GMDS: variants seen among roughly 807,000 people sequenced by gnomAD.
GMDS encodes GDP-mannose 4,6 dehydratase.
In GMDS, 20 loss-of-function variants were observed where a neutral mutation model predicts 49.9. The observed-to-expected ratio is 0.40, with a 90% CI of 0.28 to 0.58. The LOEUF (loss-of-function observed/expected upper bound fraction) is 0.58, where lower values mean the gene tolerates loss of function less well. Among genes scored for constraint, GMDS ranks in the 20% least tolerant of loss-of-function variants. GMDS has a pLI of 0.42. For synonymous variants in GMDS, 177 were observed against 178.6 expected, an observed-to-expected ratio of 0.99 and a Z score of 0.07; for missense variants, 362 against 481.4, an observed-to-expected ratio of 0.75 and a Z score of 2.32.
At chr6:1,809,429 GC>G (rs1241727346) in intron 7 of GMDS, among the ~76,000 whole-genome samples, 31 of 152,278 alleles carry the variant, frequency 2.0e-4, no homozygotes, top group African/African-American at 7.2e-4. Flanking sequence ...AAGCACAATA[GC>G]CTAGGCTCAT....
intron 9 of GMDS, among the ~76,000 whole-genome samples, chr6:1,720,347 A>C (rs940573858): frequency 6.6e-6 from 1 of 152,220 alleles, no homozygotes; most frequent in Non-Finnish European, 1.5e-5. Context: ...TTAAGAATCA[A>C]CTGAAGAGAC....
chr6:2,049,948 C>T (rs1247578325), intron 4 of GMDS, among the ~76,000 whole-genome samples: 1 of 152,088 alleles, frequency 6.6e-6, no homozygotes, highest in Non-Finnish European at 1.5e-5. Context: ...AATCAACACC[C>T]TAACATCACA....
At chr6:1,803,348 C>A (rs1261376220) in intron 7 of GMDS, among the ~76,000 whole-genome samples, 1 of 152,110 alleles carries the variant, frequency 6.6e-6, no homozygotes, top group Non-Finnish European at 1.5e-5. Context: ...GCTGTAAACA[C>A]CAGTCAATGT....
intron 1 of GMDS, among the ~76,000 whole-genome samples, chr6:2,146,602 G>A (rs747396133): frequency 1.3e-5 from 2 of 152,064 alleles, no homozygotes; most frequent in Admixed American, 6.6e-5. Flanking sequence ...CAAATTCCAC[G>A]GCTCACTCAA....
chr6:1,674,560 C>CTTTTTTTTTTTTTTT lies in GMDS; in HGVS notation c.988-50035_988-50021dup, dbSNP rs869292549. Reference sequence around the variant, plus strand: ...CAACTCATCAACTCTCTCTCTCTCTCTTTTTTTTTTTTTTTTTTTTTTTTG... The same window carrying CTTTTTTTTTTTTTTT: ...CAACTCATCAACTCTCTCTCTCTCTCTTTTTTTTTTTTTTTTTTTTTTTTTTTTTTTTTTTTTTTG... On this transcript the variant is annotated intron_variant, in intron 9 of 10. Coordinates refer to ENST00000380815, the MANE Select transcript of GMDS (RefSeq NM_001500.4). 6.8e-5 allele frequency among the ~76,000 whole-genome samples: 5 copies of CTTTTTTTTTTTTTTT among 73,436 alleles called. 1 individual carries two copies. The highest frequency in any genetic ancestry group is 1.3e-4 in the African/African-American group (2 of 15,520). The allele number at this position is 73,436 out of a possible 152,430, so 48.2% of individuals were successfully genotyped here.
intron 9 of GMDS, among the ~76,000 whole-genome samples, chr6:1,713,783 G>T (rs548140095): frequency 6.6e-6 from 1 of 152,190 alleles, no homozygotes; most frequent in East Asian, 1.9e-4. Flanking sequence ...TTATTCATCT[G>T]ATCCACGGGC....
At chr6:1,682,986 C>G (rs1006680120) in intron 9 of GMDS, among the ~76,000 whole-genome samples, 1 of 152,208 alleles carries the variant, frequency 6.6e-6, no homozygotes, top group African/African-American at 2.4e-5. Flanking sequence ...ATATAAGACC[C>G]GTGGCTGGGT....
At chr6:2,017,445 A>G (rs918102218) in intron 4 of GMDS, among the ~76,000 whole-genome samples, 6 of 152,010 alleles carry the variant, frequency 3.9e-5, no homozygotes, top group African/African-American at 1.4e-4. Flanking sequence ...AGTAACTGGG[A>G]TTACAGGCGC....
chr6:2,175,439 TGTAAAAACTGTTAA>T, intron 1 of GMDS, among the ~76,000 whole-genome samples: 1 of 152,210 alleles, frequency 6.6e-6, no homozygotes, highest in Non-Finnish European at 1.5e-5. Context: ...AAAGTTACTA[TGTAAAAACTGTTAA>T]GCAAAAGAGA....
chr6:2,101,586 T>C (rs1013465284), intron 4 of GMDS, among the ~76,000 whole-genome samples: 10 of 152,020 alleles, frequency 6.6e-5, no homozygotes, highest in East Asian at 5.8e-4. Context: ...GTATATCAAA[T>C]CTATCTGAAA....
At chr6:1,714,517 T>C (rs991772403) in intron 9 of GMDS, among the ~76,000 whole-genome samples, 7 of 152,228 alleles carry the variant, frequency 4.6e-5, no homozygotes, top group Admixed American at 4.6e-4. Flanking sequence ...ATGATGGCCA[T>C]TCACTGAGTA....
intron 9 of GMDS, among the ~76,000 whole-genome samples, chr6:1,630,650 T>C (rs541396654): frequency 6.6e-6 from 1 of 152,244 alleles, no homozygotes; most frequent in East Asian, 1.9e-4. Context: ...GAAATAACCA[T>C]ATAAGACTTT....
intron 7 of GMDS, among the ~76,000 whole-genome samples, chr6:1,752,619 T>C (rs1767778474): frequency 6.6e-6 from 1 of 152,156 alleles, no homozygotes; most frequent in Non-Finnish European, 1.5e-5. Flanking sequence ...GGAAAGAATG[T>C]TAAGGGCAGT....
At chr6:1,714,069 G>C (rs1011314696) in intron 9 of GMDS, among the ~76,000 whole-genome samples, 1 of 152,168 alleles carries the variant, frequency 6.6e-6, no homozygotes, top group African/African-American at 2.4e-5. Flanking sequence ...CCAGGCTGGA[G>C]TGCAGTGGCA....
chr6:1,914,759 G>A (rs745406102), intron 7 of GMDS, among the ~76,000 whole-genome samples: 10 of 152,136 alleles, frequency 6.6e-5, no homozygotes, highest in Non-Finnish European at 1.3e-4. Context: ...CTCTCCTGTC[G>A]CGCCCAACTA....
intron 7 of GMDS, among the ~76,000 whole-genome samples, chr6:1,824,705 T>G (rs1008413336): frequency 3.3e-5 from 5 of 152,186 alleles, no homozygotes; most frequent in Non-Finnish European, 7.4e-5. Context: ...GGGCCTCCTT[T>G]TAAAGCAGGG....
At chr6:2,212,707 T>TAAAAA (rs35503764) in intron 1 of GMDS, among the ~76,000 whole-genome samples, 11,025 of 112,696 alleles carry the variant, frequency 0.098, 623 homozygotes, top group East Asian at 0.29. Flanking sequence ...GATTAACTTG[T>TAAAAA]AAAAAAAAAA....
intron 7 of GMDS, among the ~76,000 whole-genome samples, chr6:1,751,636 G>A (rs1016756108): frequency 1.3e-5 from 2 of 152,148 alleles, no homozygotes; most frequent in African/African-American, 4.8e-5. Flanking sequence ...TGGGATTACA[G>A]GCACATGCCA....
At chr6:1,658,724 T>C (rs560418589) in intron 9 of GMDS, among the ~76,000 whole-genome samples, 104 of 152,388 alleles carry the variant, frequency 6.8e-4, no homozygotes, top group Admixed American at 8.5e-4. Context: ...CTTGAGACTA[T>C]TTAGCTCGGC....
Sources: allele counts gnomAD v4.1 joint callset (sites outside exome capture counted in the v4.1 genomes callset), GRCh38; gene constraint gnomAD v4.1.1; transcripts MANE v1.5; gene names NCBI Gene and HGNC (gene_info 2026-07-23, HGNC 2026-07-21).